FBN2: variants seen among roughly 807,000 people sequenced by gnomAD.
The protein encoded by FBN2 is fibrillin-2.
A neutral mutation model predicts 355.6 loss-of-function variants in FBN2; 105 were observed. That is an observed-to-expected ratio of 0.30 (90% CI 0.25 to 0.35). FBN2 has a LOEUF of 0.35. Among genes scored for constraint, FBN2 ranks in the 10% least tolerant of loss-of-function variants. The probability of loss-of-function intolerance (pLI) is 1.00; values close to 1 mark genes in which losing one functional copy is unlikely to be tolerated. For synonymous variants in FBN2, 1,350 were observed against 1,301.2 expected (o/e 1.04, Z -0.81); for missense variants, 3,280 against 3,758.7 (o/e 0.87, Z 3.33).
At chr5:128,314,254 T>C (rs1750139938) in intron 36 of FBN2, among the ~76,000 whole-genome samples, 1 of 152,206 alleles carries the variant, frequency 6.6e-6, no homozygotes. Flanking sequence ...TTTGTTTTTG[T>C]TGCTGAATCT....
intron 18 of FBN2, among the ~76,000 whole-genome samples, chr5:128,363,343 C>G (rs1363044363): frequency 6.6e-6 from 1 of 152,088 alleles, no homozygotes; most frequent in Non-Finnish European, 1.5e-5. Flanking sequence ...GCACGTGCCA[C>G]CATGCCCAGC....
intron 25 of FBN2, 54 bp downstream of exon 25, chr5:128,344,331 G>C (rs1751110671): frequency 6.9e-6 from 11 of 1,589,024 alleles, no homozygotes; most frequent in Non-Finnish European, 9.5e-6. Flanking sequence ...CTTTCAAACA[G>C]AGTAAAGGAA....
chr5:128,448,818 T>C (rs1316998639), intron 6 of FBN2, among the ~76,000 whole-genome samples: 1 of 152,190 alleles, frequency 6.6e-6, no homozygotes, highest in Non-Finnish European at 1.5e-5. Context: ...AACACTCTTA[T>C]ATTGGAATTG....
chr5:128,307,440 T>A (rs1749914491), intron 41 of FBN2, among the ~76,000 whole-genome samples: 1 of 152,102 alleles, frequency 6.6e-6, no homozygotes, highest in African/African-American at 2.4e-5. Flanking sequence ...TGCTCTGATA[T>A]CAGAAGGCAA....
At chr5:128,506,376 C>CTT (rs1755961300) in intron 5 of FBN2, among the ~76,000 whole-genome samples, 1 of 152,108 alleles carries the variant, frequency 6.6e-6, no homozygotes, top group Non-Finnish European at 1.5e-5. Context: ...AGCACATGGG[C>CTT]TTCTGCATCT....
chr5:128,402,241 A>G (rs2126991547), intron 8 of FBN2, among the ~76,000 whole-genome samples: 1 of 152,316 alleles, frequency 6.6e-6, no homozygotes, highest in African/African-American at 2.4e-5. Flanking sequence ...TGAAACAGGG[A>G]ATCATTAGGG....
At chr5:128,266,972 C>T (rs1448877933) in intron 62 of FBN2, among the ~76,000 whole-genome samples, 1 of 151,120 alleles carries the variant, frequency 6.6e-6, no homozygotes. Flanking sequence ...CCTCCCCTCG[C>T]CCCCCAACCC....
At chr5:128,431,373 G>T (rs1457211313) in intron 7 of FBN2, among the ~76,000 whole-genome samples, 1 of 152,144 alleles carries the variant, frequency 6.6e-6, no homozygotes, top group Non-Finnish European at 1.5e-5. Context: ...ACCATGCATG[G>T]TACTGAACCT....
intron 31 of FBN2, among the ~76,000 whole-genome samples, chr5:128,333,431 G>A (rs1355436386): frequency 6.6e-6 from 1 of 151,802 alleles, no homozygotes; most frequent in Non-Finnish European, 1.5e-5. Context: ...CCTTCCTATT[G>A]ATATTTATTA....
Position 128,259,447 on chromosome 5 carries a change from G to A in FBN2, c.*8C>T. The A allele has an allele frequency of 1.2e-6, 2 of 1,612,752 alleles. No individual in the cohort carries two copies. Among genetic ancestry groups the A allele is most frequent in the Non-Finnish European group, 1.7e-6 (2 of 1,179,924 alleles). On this transcript the variant is annotated 3_prime_UTR_variant, in exon 65 of 65. Transcript: ENST00000262464. Reference sequence around the variant, plus strand: ...AGGATTTGAGCCTGGGCCCAAGTCTGTGAAGGGTTAATAGAGCTGAATCTG... The same window carrying A: ...AGGATTTGAGCCTGGGCCCAAGTCTATGAAGGGTTAATAGAGCTGAATCTG...
intron 31 of FBN2, among the ~76,000 whole-genome samples, chr5:128,333,689 T>C (rs906859665): frequency 2.6e-5 from 4 of 152,032 alleles, no homozygotes; most frequent in East Asian, 1.9e-4. Flanking sequence ...TGCGTGTGTG[T>C]GTGTGTGTAT....
intron 62 of FBN2, among the ~76,000 whole-genome samples, chr5:128,267,257 T>C (rs1765140562): frequency 6.6e-6 from 1 of 152,200 alleles, no homozygotes; most frequent in African/African-American, 2.4e-5. Context: ...GACTTTGCTA[T>C]TGTAAATAGT....
chr5:128,277,139 A>G (rs1765414464), intron 58 of FBN2, among the ~76,000 whole-genome samples: 2 of 152,166 alleles, frequency 1.3e-5, no homozygotes, highest in Admixed American at 1.3e-4. Flanking sequence ...TGTGCTTGTT[A>G]TTGACATAGG....
intron 5 of FBN2, among the ~76,000 whole-genome samples, chr5:128,511,913 T>C (rs1272217795): frequency 6.6e-6 from 1 of 152,176 alleles, no homozygotes; most frequent in African/African-American, 2.4e-5. Flanking sequence ...ATAAACTGTT[T>C]AGAATAATAA....
At chr5:128,507,837 ACTT>A (rs1219444314) in intron 5 of FBN2, among the ~76,000 whole-genome samples, 8 of 152,030 alleles carry the variant, frequency 5.3e-5, no homozygotes, top group Non-Finnish European at 1.0e-4. Flanking sequence ...GCCCGTATTG[ACTT>A]CTTACCTACT....
chr5:128,407,311 C>T (rs1229104931), intron 8 of FBN2, among the ~76,000 whole-genome samples: 2 of 152,168 alleles, frequency 1.3e-5, no homozygotes, highest in African/African-American at 4.8e-5. Flanking sequence ...CTATACTTAT[C>T]ACACAGGGCT....
intron 47 of FBN2, 25 bp from the exon 48 acceptor site, chr5:128,300,961 A>T: frequency 1.2e-6 from 2 of 1,609,344 alleles, no homozygotes; most frequent in Non-Finnish European, 1.7e-6. Flanking sequence ...AAGAGAAAAA[A>T]TAATTTAAGC....
At chr5:128,360,646 T>A (rs1751615987) in intron 19 of FBN2, among the ~76,000 whole-genome samples, 1 of 152,118 alleles carries the variant, frequency 6.6e-6, no homozygotes, top group Non-Finnish European at 1.5e-5. Context: ...GTAATTGCAT[T>A]TCATTGACTT....
At chr5:128,450,969 T>TTA (rs1754223140) in intron 6 of FBN2, among the ~76,000 whole-genome samples, 1 of 152,158 alleles carries the variant, frequency 6.6e-6, no homozygotes, top group South Asian at 2.1e-4. Context: ...GCTTCTGTCT[T>TTA]TTTAGACTTT....
Sources: gnomAD v4.1 joint callset for allele counts (sites outside exome capture counted in the v4.1 genomes callset) on GRCh38, gnomAD v4.1.1 for gene constraint, MANE v1.5 for transcripts, NCBI Gene and HGNC (gene_info 2026-07-23, HGNC 2026-07-21) for gene names.